Variants in RPL32 observed in about 807,000 individuals in gnomAD.
RPL32 encodes ribosomal protein L32, also known as large ribosomal subunit protein eL32.
For synonymous variants in RPL32, 61 were observed against 62.6 expected (o/e 0.98, Z 0.12); for missense variants, 117 against 173.7 (o/e 0.67, Z 1.83).
At chr3:12,839,264 C>T (rs2062125891) in intron 3 of RPL32, 85 bp downstream of exon 3, 1 of 1,306,232 alleles carries the variant, frequency 7.7e-7, no homozygotes, top group Admixed American at 1.7e-5. Flanking sequence ...AAATGCATCC[C>T]AAGAGTTTGT....
Position 12,836,102 on chromosome 3 carries a change from T to C in RPL32, c.400A>G (p.Asn134Asp), listed in dbSNP as rs767248169. 1.2e-6 allele frequency: 2 copies of C among 1,611,304 alleles called. No homozygotes were observed. The highest frequency in any genetic ancestry group is 1.7e-4 in the Middle Eastern group (1 of 5,906). The change falls in exon 4 of 4, where the codon AAT becomes GAT. Residue 134 changes from asparagine (N) to aspartate (D), a missense_variant. Physicochemically the swap from Asn to Asp is conservative, Grantham distance 23. Transcript: ENST00000429711. ...NPNARLRSEE[N>D]E is the part of the protein sequence containing the mutation. ...ACGTGCACATGAGCTGCCTACTCAT[T>C]TTCTTCACTGCGCAGCCTGGCATTG...
chr3:12,838,372 C>T (rs776017351), intron 3 of RPL32, among the ~76,000 whole-genome samples: 5 of 152,190 alleles, frequency 3.3e-5, no homozygotes, highest in Non-Finnish European at 7.3e-5. Flanking sequence ...TGCCACTGCA[C>T]TCCAGCCCCG....
At chr3:12,840,684 CA>C (rs2062145059) in intron 1 of RPL32, 1 of 363,018 alleles carries the variant, frequency 2.8e-6, no homozygotes, top group African/African-American at 2.1e-5. Context: ...GTGCCTGTCA[CA>C]GGGTAAATGT....
rs2290314 is a variant in RPL32 at position 12,836,078 on chromosome 3, C to T, written c.*16G>A. On this transcript the variant is annotated 3_prime_UTR_variant, in exon 4 of 4. Coordinates refer to ENST00000429711, the MANE Select transcript of RPL32 (RefSeq NM_000994.4). ...TTTTTACATTTATTTAAACAGAAAACGTGCACATGAGCTGCCTACTCATTT... is the reference window on the plus strand; with the variant it reads ...TTTTTACATTTATTTAAACAGAAAATGTGCACATGAGCTGCCTACTCATTT... The T allele has an allele frequency of 1.5e-3, 2,487 of 1,609,924 alleles. 66 individuals carry two copies. The East Asian group carries it at 0.047, about 31-fold the overall frequency.
chr3:12,840,000 A>G, intron 2 of RPL32, 142 bp downstream of exon 2: 1 of 745,708 alleles, frequency 1.3e-6, no homozygotes, highest in Non-Finnish European at 2.4e-6. Flanking sequence ...ACTAGGGCAC[A>G]CTGGGGGAGA....
In RPL32 at chr3:12,839,281, C is replaced by T. The variant is rs2062125985; in HGVS notation, c.278+68G>A. 3 of 1,445,416 alleles carry T rather than the reference C, an allele frequency of 2.1e-6. No individual in the cohort carries two copies. In the African/African-American group the frequency reaches 4.2e-5, roughly 20 times the overall value. The allele number at this position is 1,445,416 out of a possible 1,614,324, so 89.5% of individuals were successfully genotyped here. A position where few individuals can be genotyped will look rare whatever the true frequency, so the allele number is the denominator to read the frequency against. Reference sequence around the variant, plus strand: ...ATGCATCCCAAGAGTTTGTAGAGTTCCTGCCAGAAGTGCTCACACAGATGC... The same window carrying T: ...ATGCATCCCAAGAGTTTGTAGAGTTTCTGCCAGAAGTGCTCACACAGATGC... On this transcript the variant is annotated intron_variant, in intron 3 of 3. Transcript: ENST00000429711.
rs765370274 is a variant in RPL32, at chr3:12,840,157, T to C, written c.81A>G (p.Arg27=). ...TKKFIRHQSD[R]YVKIKRNWRK... ...GACCACATACCTTAATTTTGACATA[T>C]CGGTCTGACTGGTGCCGGATGAACT... The change falls in exon 2 of 4, where the codon CGA becomes CGG. Residue 27 remains arginine, a synonymous_variant. Transcript: ENST00000429711. 1 of 1,613,788 alleles carries C rather than the reference T, an allele frequency of 6.2e-7. No individual in the cohort carries two copies. Among genetic ancestry groups the C allele is most frequent in the Non-Finnish European group, 8.5e-7 (1 of 1,179,694 alleles).
chr3:12,835,681 G>T lies in RPL32; in HGVS notation c.*413C>A. On this transcript the variant is annotated 3_prime_UTR_variant, in exon 4 of 4. Coordinates refer to ENST00000429711, the MANE Select transcript of RPL32 (RefSeq NM_000994.4). ...AGAATCTGTGTAAGAAATTCATCTG[G>T]ATATTTCCATGCATATTTTCTCAAT... is the stretch of plus-strand genomic sequence containing the variant. The T allele has an allele frequency of 5.9e-6, 1 of 169,280 alleles. No individual in the cohort carries two copies. Among genetic ancestry groups the T allele is most frequent in the Non-Finnish European group, 1.3e-5 (1 of 78,006 alleles). The allele number at this position is 169,280 out of a possible 1,614,324, so 10.5% of individuals were successfully genotyped here.
intron 3 of RPL32, 84 bp from the exon 4 acceptor site, chr3:12,836,307 A>G: frequency 6.5e-7 from 1 of 1,550,316 alleles, no homozygotes; most frequent in Non-Finnish European, 8.8e-7. Flanking sequence ...GAGTCCCAGC[A>G]CCAAGCTAAG....
rs1010684290 is a variant in RPL32, at chr3:12,839,246, C to G, written c.278+103G>C. 1.8e-5 allele frequency: 19 copies of G among 1,037,140 alleles called. No homozygotes were observed. The African/African-American group carries it at 2.8e-4, about 15-fold the overall frequency. 64.2% of individuals were successfully genotyped at this position (1,037,140 alleles called of 1,614,324 possible). On this transcript the variant is annotated intron_variant, in intron 3 of 3. Coordinates refer to ENST00000429711, the MANE Select transcript of RPL32 (RefSeq NM_000994.4). ...ATTCCCTCAGAGAATGTACAACACC[C>G]CCCGCCAAAATGCATCCCAAGAGTT... is the stretch of plus-strand genomic sequence containing the variant.
intron 3 of RPL32, 117 bp downstream of exon 3, chr3:12,839,232 G>T: frequency 1.2e-6 from 1 of 863,076 alleles, no homozygotes; most frequent in South Asian, 1.6e-5. Context: ...TTCCCTCAGA[G>T]AATGTACAAC....
chr3:12,840,389 T>C (rs1368297437), intron 1 of RPL32, 147 bp from the exon 2 acceptor site: 1 of 755,192 alleles, frequency 1.3e-6, no homozygotes, highest in Non-Finnish European at 2.4e-6. Context: ...CAGGCTTGCT[T>C]TCCCTCCCTT....
rs2062097343 is a variant in RPL32, at chr3:12,836,069, A to G, written c.*25T>C. 1 of 1,608,440 alleles carries G rather than the reference A, an allele frequency of 6.2e-7. No homozygotes were observed. Among genetic ancestry groups the G allele is most frequent in the African/African-American group, 1.3e-5 (1 of 74,858 alleles). ...AGATGGCAGTTTTTACATTTATTTAAACAGAAAACGTGCACATGAGCTGCC... is the reference window on the plus strand; with the variant it reads ...AGATGGCAGTTTTTACATTTATTTAGACAGAAAACGTGCACATGAGCTGCC... On this transcript the variant is annotated 3_prime_UTR_variant, in exon 4 of 4. Coordinates refer to ENST00000429711, the MANE Select transcript of RPL32 (RefSeq NM_000994.4).
intron 3 of RPL32, among the ~76,000 whole-genome samples, chr3:12,837,552 G>A (rs1683505351): frequency 6.6e-6 from 1 of 152,066 alleles, no homozygotes; most frequent in South Asian, 2.1e-4. Context: ...AGCCAACTGT[G>A]GTTTCAGTAT....
intron 3 of RPL32, among the ~76,000 whole-genome samples, chr3:12,837,991 G>A (rs2062112639): frequency 6.6e-6 from 1 of 152,190 alleles, no homozygotes; most frequent in Non-Finnish European, 1.5e-5. Context: ...CTAGCTACCA[G>A]GAAGGCTGAG....
In RPL32 at chr3:12,836,046, A is replaced by G. The variant is rs1358256186; in HGVS notation, c.*48T>C. The G allele has an allele frequency of 6.2e-7, 1 of 1,600,488 alleles. No homozygotes were observed. Among genetic ancestry groups the G allele is most frequent in the Admixed American group, 1.7e-5 (1 of 59,638 alleles). ...TAAAATCAAGGAAGGAAGATGCCAGATGGCAGTTTTTACATTTATTTAAAC... is the reference window on the plus strand; with the variant it reads ...TAAAATCAAGGAAGGAAGATGCCAGGTGGCAGTTTTTACATTTATTTAAAC... On this transcript the variant is annotated 3_prime_UTR_variant, in exon 4 of 4. Coordinates refer to ENST00000429711, the MANE Select transcript of RPL32 (RefSeq NM_000994.4).
At chr3:12,840,694 G>T in intron 1 of RPL32, 2 of 353,320 alleles carry the variant, frequency 5.7e-6, no homozygotes, top group Non-Finnish European at 1.1e-5. Context: ...CAGGGTAAAT[G>T]TTCAATAAAA....
intron 1 of RPL32, 186 bp from the exon 2 acceptor site, chr3:12,840,428 T>A (rs1302035101): frequency 1.4e-6 from 1 of 720,110 alleles, no homozygotes; most frequent in Non-Finnish European, 2.6e-6. Context: ...CTAGGCACTC[T>A]CCAGATGCGA....
intron 2 of RPL32, among the ~76,000 whole-genome samples, chr3:12,839,850 C>G (rs1299296998): frequency 1.3e-5 from 2 of 152,210 alleles, no homozygotes; most frequent in African/African-American, 2.4e-5. Context: ...GTTTTCTTGT[C>G]TATAAAATAG....
Sources: allele counts gnomAD v4.1 joint callset (sites outside exome capture counted in the v4.1 genomes callset), GRCh38; gene constraint gnomAD v4.1.1; transcripts MANE v1.5; gene names NCBI Gene and HGNC (gene_info 2026-07-23, HGNC 2026-07-21).